Variants in BORA observed in about 807,000 individuals in gnomAD.
BORA encodes the protein BORA aurora kinase A activator.
BORA carries 26 observed loss-of-function variants against 55.8 expected under a neutral mutation model. The observed-to-expected ratio is 0.47, with a 90% CI of 0.34 to 0.65. The LOEUF (loss-of-function observed/expected upper bound fraction) is 0.65, where lower values mean the gene tolerates loss of function less well. Ranked by LOEUF, BORA falls within the 30% of genes least tolerant of loss-of-function variation. BORA has a pLI of 0.01. For missense variants in BORA, 568 were observed against 671.5 expected, an observed-to-expected ratio of 0.85 and a Z score of 1.70; for synonymous variants, 201 against 216.9, an observed-to-expected ratio of 0.93 and a Z score of 0.64.
At chr13:72,731,218 G>A in intron 2 of BORA, 63 bp from the exon 3 acceptor site, 1 of 925,528 alleles carries the variant, frequency 1.1e-6, no homozygotes, top group East Asian at 2.5e-5. Context: ...TCTCACATAG[G>A]TTAGCATTTT....
chr13:72,750,847 G>C (rs2033257041), intron 10 of BORA, among the ~76,000 whole-genome samples: 1 of 152,044 alleles, frequency 6.6e-6, no homozygotes. Context: ...TGCAAGAGGG[G>C]GTAGAATCTA....
intron 10 of BORA, among the ~76,000 whole-genome samples, chr13:72,748,295 T>G (rs1468961828): frequency 4.6e-5 from 7 of 152,206 alleles, no homozygotes; most frequent in Admixed American, 4.6e-4. Context: ...GAGCTGAGAT[T>G]TGATCCCAGC....
At chr13:72,742,530 T>C (rs766339759) in intron 5 of BORA, among the ~76,000 whole-genome samples, 2 of 152,014 alleles carry the variant, frequency 1.3e-5, no homozygotes, top group African/African-American at 4.8e-5. Flanking sequence ...CCCTAACCTT[T>C]TAAGGTTGAC....
chr13:72,745,278 A>G (rs1435388647), intron 8 of BORA, 71 bp downstream of exon 8: 6 of 1,321,342 alleles, frequency 4.5e-6, no homozygotes, highest in South Asian at 2.6e-5. Context: ...TTGTTGTTCT[A>G]TCTTAGGCTT....
chr13:72,735,987 T>A (rs1013999370), intron 4 of BORA, among the ~76,000 whole-genome samples: 4 of 152,130 alleles, frequency 2.6e-5, no homozygotes, highest in African/African-American at 9.7e-5. Flanking sequence ...TGATTTTTAC[T>A]TTTCTGCCCC....
intron 10 of BORA, among the ~76,000 whole-genome samples, chr13:72,747,659 G>A (rs1555272872): frequency 6.6e-6 from 1 of 151,632 alleles, no homozygotes; most frequent in Non-Finnish European, 1.5e-5. Flanking sequence ...TCAGCCTCCT[G>A]AGTAGCTGGG....
At chr13:72,747,146 C>A in intron 10 of BORA, 35 bp downstream of exon 10, 2 of 1,593,962 alleles carry the variant, frequency 1.3e-6, no homozygotes, top group Non-Finnish European at 1.7e-6. Context: ...CCCTTCCTCA[C>A]TGCCTTGGTG....
At chr13:72,747,134 G>A in intron 10 of BORA, 23 bp downstream of exon 10, 2 of 1,604,164 alleles carry the variant, frequency 1.2e-6, no homozygotes, top group South Asian at 2.2e-5. Context: ...ATATTCTATA[G>A]CCCCTTCCTC....
At chr13:72,731,247 G>T in intron 2 of BORA, 34 bp from the exon 3 acceptor site, 1 of 1,323,796 alleles carries the variant, frequency 7.6e-7, no homozygotes. Context: ...ATTTTAGTTT[G>T]CCTTTACTCA....
chr13:72,735,385 A>T (rs550751979), intron 4 of BORA, among the ~76,000 whole-genome samples: 3 of 152,262 alleles, frequency 2.0e-5, no homozygotes, highest in South Asian at 4.1e-4. Context: ...GAGGAAGTCG[A>T]ATATTCTCAG....
Position 72,745,152 on chromosome 13 carries a change from A to C in BORA, c.683A>C (p.Tyr228Ser). 2 of 1,614,152 alleles carry C rather than the reference A, an allele frequency of 1.2e-6. No individual in the cohort carries two copies. The highest frequency in any genetic ancestry group is 1.7e-6 in the Non-Finnish European group (2 of 1,179,972). The change falls in exon 8 of 12, where the codon TAT becomes TCT. Residue 228 changes from tyrosine (Y) to serine (S), a missense_variant. Physicochemically the swap from Tyr to Ser is moderately radical, Grantham distance 144 (BLOSUM62 -2). Transcript: ENST00000390667. ...GTTCAAACATCACTAGAGATGTTTT[A>C]TTCAATAGATTTGTCTCCTGTAAAG... ...SGVQTSLEMF[Y>S]SIDLSPVKCR...
In BORA at chr13:72,755,173, G is replaced by A; in HGVS notation, c.1637G>A (p.Cys546Tyr). The change falls in exon 12 of 12, where the codon TGT becomes TAT. Residue 546 changes from cysteine to tyrosine, a missense_variant. Transcript: ENST00000390667. ...CAGCAAGACCACACAACACAGAGGT[G>A]TTGGATGAAAACAGCAAGCCCTTTT... is the stretch of plus-strand genomic sequence containing the variant. Reference protein sequence around the residue: ...NMKQDHTTQRCWMKTASPFQC... With the variant: ...NMKQDHTTQRYWMKTASPFQC... 1 of 1,613,830 alleles carries A rather than the reference G, an allele frequency of 6.2e-7. No homozygotes were observed. Among genetic ancestry groups the A allele is most frequent in the Non-Finnish European group, 8.5e-7 (1 of 1,179,866 alleles).
At position 72,756,020 on chromosome 13, in the gene BORA, T is replaced by G. The variant is rs560316823; in HGVS notation, c.*804T>G. On this transcript the variant is annotated 3_prime_UTR_variant, in exon 12 of 12. Coordinates refer to ENST00000390667, the MANE Select transcript of BORA (RefSeq NM_024808.5). ...AGGGCATAGGCCTGTGAAGTAACAC[T>G]GGGGCAGATATGTATGTTATATACA... 238 of 398,544 alleles carry G rather than the reference T, an allele frequency of 6.0e-4. No individual in the cohort carries two copies. The highest frequency in any genetic ancestry group is 8.1e-4 in the Non-Finnish European group (183 of 226,026). 24.7% of individuals were successfully genotyped at this position (398,544 alleles called of 1,614,324 possible). A position where few individuals can be genotyped will look rare whatever the true frequency, so the allele number is the denominator to read the frequency against.
chr13:72,739,753 G>A (rs2032999504), intron 5 of BORA, among the ~76,000 whole-genome samples: 1 of 152,108 alleles, frequency 6.6e-6, no homozygotes, highest in South Asian at 2.1e-4. Flanking sequence ...CTCCTCCCAT[G>A]ATTAGGAGAG....
At chr13:72,752,663 A>C (rs990345196) in intron 10 of BORA, 7 of 152,336 alleles carry the variant, frequency 4.6e-5, no homozygotes, top group East Asian at 3.9e-4. Context: ...GCTTTTCCCC[A>C]AAAATGTTAC....
intron 6 of BORA, 64 bp downstream of exon 6, chr13:72,743,666 C>A: frequency 1.6e-6 from 2 of 1,237,764 alleles, no homozygotes; most frequent in Non-Finnish European, 2.3e-6. Context: ...ATTCTAAACC[C>A]AGTTCAGGTA....
At chr13:72,737,214 A>G (rs2138057360) in intron 4 of BORA, among the ~76,000 whole-genome samples, 1 of 152,308 alleles carries the variant, frequency 6.6e-6, no homozygotes, top group African/African-American at 2.4e-5. Context: ...ATGTTTAACA[A>G]CTTGCTCTCT....
intron 2 of BORA, among the ~76,000 whole-genome samples, chr13:72,730,316 T>A (rs2032785133): frequency 6.6e-6 from 1 of 152,226 alleles, no homozygotes; most frequent in Non-Finnish European, 1.5e-5. Context: ...ATTGAATCAT[T>A]AAAATTTATC....
At chr13:72,753,885 T>G (rs1429281906) in intron 11 of BORA, 64 bp downstream of exon 11, 6 of 1,436,590 alleles carry the variant, frequency 4.2e-6, no homozygotes, top group Admixed American at 1.9e-5. Flanking sequence ...TAATTTTGAT[T>G]ATTAGACAAT....
Sources: gnomAD v4.1 joint callset for allele counts (sites outside exome capture counted in the v4.1 genomes callset) on GRCh38, gnomAD v4.1.1 for gene constraint, MANE v1.5 for transcripts, NCBI Gene and HGNC (gene_info 2026-07-23, HGNC 2026-07-21) for gene names.